Variants in EPHA7 observed in about 807,000 individuals in gnomAD.
EPHA7 encodes the protein EPH receptor A7, also known as ephrin type-A receptor 7.
Under a neutral mutation model 112.6 loss-of-function variants are expected in EPHA7, and 25 were observed. That is an observed-to-expected ratio of 0.22 (90% confidence interval 0.16 to 0.31). The LOEUF (loss-of-function observed/expected upper bound fraction) is 0.31. Ranked by LOEUF, EPHA7 falls within the 10% of genes least tolerant of loss-of-function variation. EPHA7 has a pLI of 1.00. For synonymous variants in EPHA7, 437 were observed against 406.5 expected (o/e 1.07, Z -0.90); for missense variants, 962 against 1,212.6 (o/e 0.79, Z 3.07).
At chr6:93,286,588 T>A (rs2127830764) in intron 5 of EPHA7, among the ~76,000 whole-genome samples, 1 of 152,324 alleles carries the variant, frequency 6.6e-6, no homozygotes, top group African/African-American at 2.4e-5. Context: ...CCCCAGTTAA[T>A]TTCTTCTCTG....
At chr6:93,349,358 G>A (rs757572791) in intron 5 of EPHA7, among the ~76,000 whole-genome samples, 2 of 151,808 alleles carry the variant, frequency 1.3e-5, no homozygotes, top group Non-Finnish European at 1.5e-5. Context: ...GTCATGCCCT[G>A]CAGGGCATGA....
intron 5 of EPHA7, among the ~76,000 whole-genome samples, chr6:93,349,491 G>A (rs1391625598): frequency 6.6e-6 from 1 of 151,850 alleles, no homozygotes; most frequent in Non-Finnish European, 1.5e-5. Flanking sequence ...ATTCTCTGCT[G>A]CAGACGGCAT....
intron 14 of EPHA7, among the ~76,000 whole-genome samples, chr6:93,249,542 G>A (rs1770113479): frequency 6.6e-6 from 1 of 152,054 alleles, no homozygotes; most frequent in East Asian, 1.9e-4. Context: ...ATTGGAAAAT[G>A]AGCGGCTTTT....
At chr6:93,272,563 G>A (rs150128068) in intron 5 of EPHA7, 141 bp from the exon 6 acceptor site, 1 of 934,878 alleles carries the variant, frequency 1.1e-6, no homozygotes, top group East Asian at 2.6e-5. Context: ...CAATTCAGAA[G>A]CTAATGAATA....
chr6:93,385,451 T>A (rs1777551540), intron 3 of EPHA7, among the ~76,000 whole-genome samples: 1 of 152,108 alleles, frequency 6.6e-6, no homozygotes. Context: ...TAGTAGTATA[T>A]TAAATAAATT....
chr6:93,300,298 G>A (rs567748855), intron 5 of EPHA7, among the ~76,000 whole-genome samples: 8 of 152,110 alleles, frequency 5.3e-5, no homozygotes, highest in Non-Finnish European at 1.2e-4. Flanking sequence ...AGAAACATTT[G>A]TGGCAACATG....
At chr6:93,348,820 A>T (rs561688246) in intron 5 of EPHA7, among the ~76,000 whole-genome samples, 1 of 152,006 alleles carries the variant, frequency 6.6e-6, no homozygotes, top group African/African-American at 2.4e-5. Flanking sequence ...ACAAATATTT[A>T]CTAACCATCT....
rs41273545 is a variant in EPHA7 at position 93,242,563 on chromosome 6, C to T, written c.*863G>A. 0.069 allele frequency: 14,200 copies of T among 206,232 alleles called. 724 individuals are homozygous for T. The highest frequency in any genetic ancestry group is 0.13 in the Admixed American group (2,118 of 16,816). 12.8% of individuals were successfully genotyped at this position (206,232 alleles called of 1,614,324 possible). A position where few individuals can be genotyped will look rare whatever the true frequency, so the allele number is the denominator to read the frequency against. ...CCAACATTCTTCAGATGAAGTGCCTCATTTGTTTATATACTCATAAACCTA... is the reference window on the plus strand; with the variant it reads ...CCAACATTCTTCAGATGAAGTGCCTTATTTGTTTATATACTCATAAACCTA... On this transcript the variant is annotated 3_prime_UTR_variant, in exon 17 of 17. Transcript: ENST00000369303.
intron 3 of EPHA7, among the ~76,000 whole-genome samples, chr6:93,373,979 T>C (rs1184322061): frequency 1.3e-5 from 2 of 152,044 alleles, no homozygotes; most frequent in Non-Finnish European, 2.9e-5. Flanking sequence ...TAACACTACA[T>C]AAATAAAAAT....
chr6:93,269,879 A>AAAACATTT (rs1297798486), intron 6 of EPHA7, among the ~76,000 whole-genome samples: 3 of 151,954 alleles, frequency 2.0e-5, no homozygotes, highest in Admixed American at 2.0e-4. Context: ...TAATTTAGTT[A>AAAACATTT]AAACATTTAT....
At chr6:93,299,642 CAGA>C (rs1441677288) in intron 5 of EPHA7, among the ~76,000 whole-genome samples, 1 of 152,090 alleles carries the variant, frequency 6.6e-6, no homozygotes, top group Non-Finnish European at 1.5e-5. Context: ...GGTAGGTACC[CAGA>C]GGAATATAAA....
chr6:93,389,575 A>T (rs560331862), intron 3 of EPHA7, among the ~76,000 whole-genome samples: 5 of 152,196 alleles, frequency 3.3e-5, no homozygotes, highest in African/African-American at 1.2e-4. Context: ...GCATTACAAA[A>T]GATGCATAAA....
intron 5 of EPHA7, among the ~76,000 whole-genome samples, chr6:93,303,143 A>T (rs1037250586): frequency 2.0e-5 from 3 of 152,142 alleles, no homozygotes; most frequent in African/African-American, 7.2e-5. Flanking sequence ...TACTTTGCTC[A>T]CAATTAGTGC....
chr6:93,371,583 AG>A (rs2127960548), intron 3 of EPHA7, among the ~76,000 whole-genome samples: 1 of 152,320 alleles, frequency 6.6e-6, no homozygotes, highest in East Asian at 1.9e-4. Context: ...TCAATCTGAA[AG>A]AATTTAGAAA....
chr6:93,280,675 A>G (rs948542460), intron 5 of EPHA7, among the ~76,000 whole-genome samples: 3 of 152,102 alleles, frequency 2.0e-5, no homozygotes, highest in Non-Finnish European at 2.9e-5. Context: ...AGAAAATTGA[A>G]CCTCTCTGTG....
intron 5 of EPHA7, among the ~76,000 whole-genome samples, chr6:93,289,372 A>G (rs966628766): frequency 3.3e-5 from 5 of 152,298 alleles, no homozygotes; most frequent in Admixed American, 3.3e-4. Flanking sequence ...ACAATGAATT[A>G]CAACTATTAA....
At chr6:93,288,792 C>T (rs1772204276) in intron 5 of EPHA7, among the ~76,000 whole-genome samples, 1 of 152,126 alleles carries the variant, frequency 6.6e-6, no homozygotes, top group African/African-American at 2.4e-5. Flanking sequence ...AGTGACTTTC[C>T]TAACTTCTCT....
chr6:93,366,555 A>G (rs1349166193), intron 3 of EPHA7, among the ~76,000 whole-genome samples: 1 of 152,304 alleles, frequency 6.6e-6, no homozygotes, highest in East Asian at 1.9e-4. Context: ...ACCATATAGA[A>G]ACATACAGTA....
At chr6:93,311,676 T>A (rs940060007) in intron 5 of EPHA7, among the ~76,000 whole-genome samples, 1 of 152,144 alleles carries the variant, frequency 6.6e-6, no homozygotes, top group Admixed American at 6.5e-5. Flanking sequence ...CTCCCATGAA[T>A]CATGAACGTC....
Sources: gnomAD v4.1 joint callset for allele counts (sites outside exome capture counted in the v4.1 genomes callset) on GRCh38, gnomAD v4.1.1 for gene constraint, MANE v1.5 for transcripts, NCBI Gene and HGNC (gene_info 2026-07-23, HGNC 2026-07-21) for gene names.